The following TSPAN14 variants were observed in gnomAD, a reference collection of about 807,000 sequenced individuals.
TSPAN14 encodes the protein tetraspanin-14.
In TSPAN14, 16 loss-of-function variants were observed where a neutral mutation model predicts 36.6. The ratio of observed to expected loss-of-function variants is 0.44; its 90% CI spans 0.30 to 0.66. TSPAN14 has a LOEUF of 0.66. TSPAN14 is among the 30% of genes least tolerant of loss of function. The pLI, the probability that TSPAN14 is intolerant of heterozygous loss-of-function variation, is 0.12. For synonymous variants in TSPAN14, 139 were observed against 143.8 expected (o/e 0.97, Z 0.24); for missense variants, 231 against 355.1 (o/e 0.65, Z 2.81).
chr10:80,489,262 A>C, exon 2 of TSPAN14: 2 of 1,586,094 alleles, frequency 1.3e-6, no homozygotes, highest in Non-Finnish European at 1.7e-6. Flanking sequence ...TCTAACGCCA[A>C]GGTCAGCTGC....
At chr10:80,454,666 C>G (rs1484910092) in intron 1 of TSPAN14, among the ~76,000 whole-genome samples, 1 of 152,096 alleles carries the variant, frequency 6.6e-6, no homozygotes, top group East Asian at 1.9e-4. Context: ...GTTCGGTAGC[C>G]CTCGCCCCAT....
chr10:80,514,210 A>T, intron 7 of TSPAN14, 147 bp downstream of exon 7: 1 of 716,786 alleles, frequency 1.4e-6, no homozygotes, highest in Non-Finnish European at 2.4e-6. Flanking sequence ...GCATAGGCAC[A>T]GGGTCACATA....
rs138060056 is a variant in TSPAN14 at position 80,459,057 on chromosome 10, C to T, written c.-18+4686C>T. On this transcript the variant is annotated intron_variant, in intron 1 of 8. Coordinates refer to ENST00000429989, the Ensembl canonical transcript of TSPAN14. Reference sequence around the variant, plus strand: ...AATCAAGTCTGCCTTTTCTGTCTCACGGGGTTGCAGTGAAGCATTAGTACC... The same window carrying T: ...AATCAAGTCTGCCTTTTCTGTCTCATGGGGTTGCAGTGAAGCATTAGTACC... Among the ~76,000 whole-genome samples, 585 of 152,002 alleles carry T rather than the reference C, an allele frequency of 3.8e-3. 2 individuals carry two copies. The highest frequency in any genetic ancestry group is 7.2e-3 in the Non-Finnish European group (487 of 67,994).
At chr10:80,512,400 C>A in intron 6 of TSPAN14, 131 bp downstream of exon 6, 1 of 1,330,008 alleles carries the variant, frequency 7.5e-7, no homozygotes, top group East Asian at 2.5e-5. Context: ...TTCTCCACAC[C>A]CTCCTCAAGG....
intron 5 of TSPAN14, among the ~76,000 whole-genome samples, chr10:80,511,761 T>C (rs1589301582): frequency 3.9e-5 from 5 of 129,166 alleles, no homozygotes; most frequent in African/African-American, 9.1e-5. Context: ...TCTCTCTCTC[T>C]CTCTCTCTCT....
At chr10:80,454,648 C>G (rs1174551413) in intron 1 of TSPAN14, among the ~76,000 whole-genome samples, 1 of 152,092 alleles carries the variant, frequency 6.6e-6, no homozygotes. Context: ...CCGGGGCCGG[C>G]ACTCCTGGTT....
intron 2 of TSPAN14, among the ~76,000 whole-genome samples, chr10:80,494,720 G>T (rs1240243551): frequency 1.3e-5 from 2 of 152,164 alleles, no homozygotes; most frequent in Admixed American, 6.5e-5. Context: ...TCAGACAAAT[G>T]ATTTCTTCAT....
rs778465128 is a variant in TSPAN14, at chr10:80,509,399, C to T, written c.378C>T (p.Phe126=). ...GGGTGAGGGACCGGTTCCGGGAGTT[C>T]TTCGAGAGCAACATCAAGTCCTACC... Residue 126 remains phenylalanine (F), a synonymous_variant, in exon 5 of 9, where the codon TTC becomes TTT. Coordinates refer to ENST00000429989, the Ensembl canonical transcript of TSPAN14. This position sits in a 1 kb window ranked among gnomAD's most constrained non-coding sequence, Gnocchi z 4.7. The T allele has an allele frequency of 1.2e-6, 2 of 1,614,166 alleles. No individual in the cohort carries two copies. The highest frequency in any genetic ancestry group is 1.7e-6 in the Non-Finnish European group (2 of 1,180,040).
chr10:80,455,034 AC>A (rs1282837855), intron 1 of TSPAN14, among the ~76,000 whole-genome samples: 2 of 151,350 alleles, frequency 1.3e-5, no homozygotes, highest in Non-Finnish European at 2.9e-5. Context: ...GCAAAGCCTG[AC>A]CCCTGACCTA....
chr10:80,480,106 G>C (rs146246323), intron 1 of TSPAN14, among the ~76,000 whole-genome samples: 3,494 of 150,770 alleles, frequency 0.023, 62 homozygotes, highest in Non-Finnish European at 0.04. Flanking sequence ...TCTGTTATTG[G>C]CGTCTAAGAA....
intron 1 of TSPAN14, chr10:80,485,658 C>CAG: frequency 1.0e-6 from 1 of 985,424 alleles, no homozygotes; most frequent in South Asian, 4.7e-5. Context: ...TCAGGACCTG[C>CAG]TTTCCAACCC....
chr10:80,465,224 C>T (rs1174885332), intron 1 of TSPAN14, among the ~76,000 whole-genome samples: 3 of 152,164 alleles, frequency 2.0e-5, no homozygotes, highest in Non-Finnish European at 4.4e-5. Context: ...GGGCCAGGCA[C>T]GTGCCTGGGT....
intron 1 of TSPAN14, among the ~76,000 whole-genome samples, chr10:80,469,381 T>A (rs1302157847): frequency 1.3e-5 from 2 of 152,142 alleles, no homozygotes; most frequent in African/African-American, 4.8e-5. Flanking sequence ...GACTGTAAAT[T>A]TGTATTTTGT....
At chr10:80,472,371 G>A (rs985930509) in intron 1 of TSPAN14, among the ~76,000 whole-genome samples, 45 of 152,274 alleles carry the variant, frequency 3.0e-4, no homozygotes, top group African/African-American at 1.1e-3. Context: ...GCATCCCCTT[G>A]GGAGGCACAT....
intron 2 of TSPAN14, among the ~76,000 whole-genome samples, chr10:80,494,495 A>G (rs887389391): frequency 2.0e-5 from 3 of 152,200 alleles, no homozygotes; most frequent in Non-Finnish European, 4.4e-5. Flanking sequence ...AGGTGGAAAG[A>G]TCAACTCTCT....
At chr10:80,500,201 A>G (rs890460991) in intron 2 of TSPAN14, among the ~76,000 whole-genome samples, 3 of 151,444 alleles carry the variant, frequency 2.0e-5, no homozygotes, top group African/African-American at 7.3e-5. Context: ...GCCCTGGGCC[A>G]CTGTTCATTG....
rs527621758 is a variant in TSPAN14 at position 80,471,584 on chromosome 10, A to G, written c.-18+17213A>G. ...TTAGATTTTCAGAAACAGGCCTGTC[A>G]TGATGATCAGGGTATGGGTATAGGA... On this transcript the variant is annotated intron_variant, in intron 1 of 8. Coordinates refer to ENST00000429989, the Ensembl canonical transcript of TSPAN14. Among the ~76,000 whole-genome samples the G allele has an allele frequency of 7.6e-4, 116 of 152,346 alleles. 2 individuals are homozygous for G. The highest frequency in any genetic ancestry group is 2.5e-3 in the African/African-American group (106 of 41,578).
chr10:80,520,618 C>T (rs1341947927), exon 9 of TSPAN14: 12 of 533,402 alleles, frequency 2.2e-5, no homozygotes, highest in South Asian at 2.8e-5. Context: ...ATCTTGTCAA[C>T]GTTATTTTTC....
intron 2 of TSPAN14, among the ~76,000 whole-genome samples, chr10:80,502,432 C>T (rs1848570625): frequency 6.6e-6 from 1 of 152,112 alleles, no homozygotes; most frequent in African/African-American, 2.4e-5. Flanking sequence ...CCGTGGGATC[C>T]AGACTCGAGT....
Sources: gnomAD v4.1 joint callset for allele counts (sites outside exome capture counted in the v4.1 genomes callset) on GRCh38, gnomAD v4.1.1 for gene constraint, Gnocchi (gnomAD v3.1) non-coding constraint, MANE v1.5 for transcripts, NCBI Gene and HGNC (gene_info 2026-07-23, HGNC 2026-07-21) for gene names.